The following CFAP20DC variants were observed in gnomAD, a reference collection of about 807,000 sequenced individuals.
The protein encoded by CFAP20DC is protein CFAP20DC.
Under a neutral mutation model 101.7 loss-of-function variants are expected in CFAP20DC, and 84 were observed. The observed-to-expected ratio is 0.83, with a 90% CI of 0.69 to 0.99. The LOEUF is 0.99. CFAP20DC is among the 50% of genes least tolerant of loss of function. The pLI is 0.00. For missense variants in CFAP20DC, 1,007 were observed against 970.3 expected, an observed-to-expected ratio of 1.04 and a Z score of -0.50; for synonymous variants, 359 against 351.2, an observed-to-expected ratio of 1.02 and a Z score of -0.25.
intron 16 of CFAP20DC, among the ~76,000 whole-genome samples, chr3:58,752,610 C>A (rs2068652296): frequency 6.6e-6 from 1 of 152,138 alleles, no homozygotes; most frequent in Admixed American, 6.5e-5. Context: ...ACAGCAAGGT[C>A]TCCTCCTGAC....
At chr3:58,777,234 G>T (rs2107541146) in intron 15 of CFAP20DC, among the ~76,000 whole-genome samples, 1 of 152,230 alleles carries the variant, frequency 6.6e-6, no homozygotes, top group Admixed American at 6.5e-5. Flanking sequence ...ACCTACCTAT[G>T]ACCTGGAAGC....
At chr3:58,856,307 CACACACAT>C (rs1473503065) in intron 12 of CFAP20DC, among the ~76,000 whole-genome samples, 30 of 133,168 alleles carry the variant, frequency 2.3e-4, no homozygotes, top group African/African-American at 1.0e-3. Flanking sequence ...CACACACACA[CACACACAT>C]AACTGATGGA....
intron 6 of CFAP20DC, among the ~76,000 whole-genome samples, chr3:58,910,000 C>T (rs1281872795): frequency 6.6e-6 from 1 of 152,064 alleles, no homozygotes; most frequent in East Asian, 1.9e-4. Flanking sequence ...TTTTCTATTC[C>T]TGTGCTAGTT....
intron 3 of CFAP20DC, among the ~76,000 whole-genome samples, chr3:58,718,981 G>T (rs1374698029): frequency 6.6e-6 from 1 of 152,176 alleles, no homozygotes; most frequent in Non-Finnish European, 1.5e-5. Context: ...GGTGGCTCAT[G>T]CTTGTAATGC....
At chr3:58,752,183 T>C (rs752663017) in intron 16 of CFAP20DC, among the ~76,000 whole-genome samples, 1 of 152,110 alleles carries the variant, frequency 6.6e-6, no homozygotes, top group Non-Finnish European at 1.5e-5. Context: ...ATGGTGTTAA[T>C]TAACTACAAA....
At chr3:59,021,761 C>A (rs929162018) in intron 4 of CFAP20DC, among the ~76,000 whole-genome samples, 11 of 151,938 alleles carry the variant, frequency 7.2e-5, no homozygotes, top group Admixed American at 3.9e-4. Flanking sequence ...AAGAACTGAG[C>A]AGCAGACTTA....
chr3:58,997,010 C>A (rs2093157785), intron 4 of CFAP20DC, among the ~76,000 whole-genome samples: 2 of 152,184 alleles, frequency 1.3e-5, no homozygotes, highest in Non-Finnish European at 2.9e-5. Flanking sequence ...AGGAGGGACT[C>A]TGGCCTTGTG....
chr3:58,861,318 T>A lies in CFAP20DC; in HGVS notation c.1593+2240A>T. ...CACTTGTCCACCATTATTTACAACTTGACATTATGTTTTCCTGAAGTATAA... is the reference window on the plus strand; with the variant it reads ...CACTTGTCCACCATTATTTACAACTAGACATTATGTTTTCCTGAAGTATAA... On this transcript the variant is annotated intron_variant, in intron 12 of 16. Transcript: ENST00000482387. The surrounding 1 kb of genome is among the most constrained non-coding windows in gnomAD (Gnocchi z 4.0). 1.4e-6 allele frequency: 1 copy of A among 727,272 alleles called. No homozygotes were observed. The highest frequency in any genetic ancestry group is 1.7e-6 in the Non-Finnish European group (1 of 594,748). 45.1% of individuals were successfully genotyped at this position (727,272 alleles called of 1,614,324 possible).
chr3:58,724,370 G>A lies in CFAP20DC; in HGVS notation c.198-6742C>T, dbSNP rs2067518006. 1.3e-5 allele frequency among the ~76,000 whole-genome samples: 2 copies of A among 152,168 alleles called. No homozygotes were observed. The highest frequency in any genetic ancestry group is 4.8e-5 in the African/African-American group (2 of 41,434). On this transcript the variant is annotated intron_variant, in intron 3 of 3. Transcript: ENST00000486145. The surrounding 1 kb of genome is among the most constrained non-coding windows in gnomAD (Gnocchi z 5.6). ...TGGAAAGCCACAAGAGGTCTCTGAG[G>A]AGGAAAGCCTCCTAATAGCCCTCAT...
At chr3:58,982,345 G>C (rs2092586675) in intron 4 of CFAP20DC, among the ~76,000 whole-genome samples, 1 of 152,140 alleles carries the variant, frequency 6.6e-6, no homozygotes, top group Non-Finnish European at 1.5e-5. Context: ...ATTTGACCCA[G>C]CCATCCCATT....
chr3:58,911,207 T>C (rs929688600), intron 6 of CFAP20DC, among the ~76,000 whole-genome samples: 3 of 152,130 alleles, frequency 2.0e-5, no homozygotes, highest in Non-Finnish European at 1.5e-5. Context: ...AGCACCATTA[T>C]TCATAACAGC....
At chr3:59,040,869 T>G (rs576177640) in intron 3 of CFAP20DC, among the ~76,000 whole-genome samples, 1 of 152,192 alleles carries the variant, frequency 6.6e-6, no homozygotes, top group African/African-American at 2.4e-5. Context: ...TTAAAAGTAC[T>G]AAGCTTCTGC....
intron 15 of CFAP20DC, among the ~76,000 whole-genome samples, chr3:58,761,816 G>A (rs1478131444): frequency 6.6e-6 from 1 of 152,188 alleles, no homozygotes; most frequent in African/African-American, 2.4e-5. Context: ...TTCAGGAGCA[G>A]GTTGTTCAGT....
intron 14 of CFAP20DC, among the ~76,000 whole-genome samples, chr3:58,813,538 A>T (rs1269618738): frequency 6.6e-6 from 1 of 151,942 alleles, no homozygotes; most frequent in East Asian, 1.9e-4. Context: ...CCCCTGACTG[A>T]GGAGAACAAC....
intron 5 of CFAP20DC, among the ~76,000 whole-genome samples, chr3:58,923,091 G>C (rs375646203): frequency 8.2e-4 from 124 of 152,108 alleles, no homozygotes; most frequent in Middle Eastern, 3.4e-3. Context: ...ATTTTTAGTA[G>C]AGATGGGGTT....
chr3:58,759,026 A>G (rs1309836133), intron 15 of CFAP20DC, among the ~76,000 whole-genome samples: 1 of 152,058 alleles, frequency 6.6e-6, no homozygotes, highest in Non-Finnish European at 1.5e-5. Context: ...ATAGCAGCAT[A>G]ATTTATAGTC....
At chr3:58,823,999 A>T (rs1474462047) in intron 14 of CFAP20DC, among the ~76,000 whole-genome samples, 1 of 152,184 alleles carries the variant, frequency 6.6e-6, no homozygotes, top group Non-Finnish European at 1.5e-5. Flanking sequence ...ATAGTCACTA[A>T]ACACAGAACA....
chr3:58,930,091 A>G (rs1419681307), intron 5 of CFAP20DC, among the ~76,000 whole-genome samples: 1 of 151,790 alleles, frequency 6.6e-6, no homozygotes, highest in East Asian at 1.9e-4. Flanking sequence ...TTCTCTGACC[A>G]CTCTCCTTTT....
intron 4 of CFAP20DC, among the ~76,000 whole-genome samples, chr3:59,028,360 C>T (rs2093929437): frequency 6.6e-6 from 1 of 152,140 alleles, no homozygotes; most frequent in Non-Finnish European, 1.5e-5. Flanking sequence ...CTTTAATTCG[C>T]AGGCATTTAG....
Sources: allele counts gnomAD v4.1 joint callset (sites outside exome capture counted in the v4.1 genomes callset), GRCh38; gene constraint gnomAD v4.1.1; non-coding constraint Gnocchi (gnomAD v3.1); transcripts MANE v1.5; gene names NCBI Gene and HGNC (gene_info 2026-07-23, HGNC 2026-07-21).